DNMBP: variants seen among roughly 807,000 people sequenced by gnomAD.
The protein encoded by DNMBP is dynamin-binding protein.
DNMBP carries 87 observed loss-of-function variants against 150.0 expected under a neutral mutation model. The observed-to-expected ratio is 0.58, with a 90% CI of 0.49 to 0.69. The LOEUF is 0.69. DNMBP is among the 30% of genes least tolerant of loss of function. The pLI, the probability that DNMBP is intolerant of heterozygous loss-of-function variation, is 0.00. For synonymous variants in DNMBP, 711 were observed against 750.4 expected (o/e 0.95, Z 0.86); for missense variants, 1,774 against 1,949.0 (o/e 0.91, Z 1.69).
At chr10:99,939,702 ATAAAGGAT>A (rs1237997847) in intron 4 of DNMBP, among the ~76,000 whole-genome samples, 1 of 152,262 alleles carries the variant, frequency 6.6e-6, no homozygotes, top group Non-Finnish European at 1.5e-5. Context: ...AGATATAGAC[ATAAAGGAT>A]TACTAGCCAT....
chr10:99,913,730 G>T (rs563906454), intron 4 of DNMBP, among the ~76,000 whole-genome samples: 2 of 152,126 alleles, frequency 1.3e-5, no homozygotes, highest in East Asian at 3.9e-4. Flanking sequence ...CCTAAAGTTC[G>T]AAGGAAGGGA....
At chr10:99,898,478 T>C (rs2039692136) in intron 8 of DNMBP, 193 bp from the exon 9 acceptor site, 2 of 689,502 alleles carry the variant, frequency 2.9e-6, no homozygotes, top group Admixed American at 4.6e-5. Flanking sequence ...ATTCAACATG[T>C]ATTCATCTAA....
chr10:99,938,055 T>G (rs1434060126), intron 4 of DNMBP, among the ~76,000 whole-genome samples: 1 of 152,238 alleles, frequency 6.6e-6, no homozygotes, highest in Non-Finnish European at 1.5e-5. Context: ...CTCTGCCACT[T>G]TAAGTCTACA....
At chr10:99,924,748 A>C (rs1194747404) in intron 4 of DNMBP, among the ~76,000 whole-genome samples, 1 of 152,222 alleles carries the variant, frequency 6.6e-6, no homozygotes, top group Non-Finnish European at 1.5e-5. Context: ...GTTGGAACAG[A>C]TATCATGTTC....
intron 4 of DNMBP, among the ~76,000 whole-genome samples, chr10:99,935,916 C>T (rs1211011813): frequency 6.6e-6 from 1 of 152,070 alleles, no homozygotes; most frequent in Non-Finnish European, 1.5e-5. Context: ...TAAAAGATAA[C>T]CCGGTTTTCC....
intron 1 of DNMBP, among the ~76,000 whole-genome samples, chr10:99,991,441 G>C (rs2040889913): frequency 6.6e-6 from 1 of 151,830 alleles, no homozygotes. Flanking sequence ...CTCCTCTCCA[G>C]CCCTAGGCAA....
chr10:99,953,182 C>T (rs1013797741), intron 4 of DNMBP, among the ~76,000 whole-genome samples: 15 of 152,142 alleles, frequency 9.9e-5, no homozygotes, highest in Admixed American at 3.3e-4. Flanking sequence ...GTATAGGAAG[C>T]GGTGAACTAT....
chr10:99,903,292 G>A (rs7896403), intron 6 of DNMBP, among the ~76,000 whole-genome samples: 67,897 of 151,348 alleles, frequency 0.45, 15,451 homozygotes, highest in African/African-American at 0.48. Flanking sequence ...AACAGTGGGG[G>A]TGGGGCTGGC....
At chr10:99,948,266 A>G (rs757752871) in intron 4 of DNMBP, among the ~76,000 whole-genome samples, 6 of 152,254 alleles carry the variant, frequency 3.9e-5, no homozygotes, top group Non-Finnish European at 5.9e-5. Context: ...ATACTAGCAC[A>G]GGAAAACTTG....
intron 1 of DNMBP, among the ~76,000 whole-genome samples, chr10:99,986,594 C>CAAAAAAAAAAAAAAAAAAAAAAAAAA (rs747726572): frequency 4.0e-5 from 3 of 74,168 alleles, no homozygotes; most frequent in South Asian, 5.6e-4. Context: ...GACTCCGTCT[C>CAAAAAAAAAAAAAAAAAAAAAAAAAA]AAAAAAAAAA....
intron 14 of DNMBP, 109 bp from the exon 15 acceptor site, chr10:99,884,318 C>A (rs1373014694): frequency 4.3e-6 from 4 of 925,488 alleles, no homozygotes; most frequent in Non-Finnish European, 6.5e-6. Context: ...CAGTCAGTCA[C>A]TGCCCATCTC....
chr10:99,919,221 G>A (rs865949174), intron 4 of DNMBP, among the ~76,000 whole-genome samples: 3 of 152,304 alleles, frequency 2.0e-5, no homozygotes, highest in South Asian at 2.1e-4. Flanking sequence ...TCCATTAAAC[G>A]TCAAGGCCCG....
intron 4 of DNMBP, among the ~76,000 whole-genome samples, chr10:99,910,936 G>C (rs2039891539): frequency 6.6e-6 from 1 of 152,102 alleles, no homozygotes; most frequent in African/African-American, 2.4e-5. Context: ...AGAAATAATG[G>C]AGTCAGCAAA....
intron 16 of DNMBP, among the ~76,000 whole-genome samples, chr10:99,878,412 G>A (rs921513371): frequency 5.9e-5 from 9 of 152,148 alleles, no homozygotes; most frequent in East Asian, 1.9e-4. Context: ...TTCCCTGCTC[G>A]AACTCAATCT....
Position 99,988,152 on chromosome 10 carries a change from C to T in DNMBP, c.-10-16018G>A, listed in dbSNP as rs566585840. On this transcript the variant is annotated intron_variant, in intron 1 of 16. Coordinates refer to ENST00000324109, the MANE Select transcript of DNMBP (RefSeq NM_015221.4). ...TGCGTCCAATGAGATGACCATTTTC[C>T]CCCTTTATTCTGATGTCATAAGTTT... 3.3e-5 allele frequency among the ~76,000 whole-genome samples: 5 copies of T among 152,054 alleles called. No homozygotes were observed. In the South Asian group the frequency reaches 1.0e-3, roughly 32 times the overall value.
At chr10:99,888,358 C>G (rs1303119324) in intron 12 of DNMBP, among the ~76,000 whole-genome samples, 1 of 151,894 alleles carries the variant, frequency 6.6e-6, no homozygotes, top group Non-Finnish European at 1.5e-5. Context: ...TTACAGGTGC[C>G]CACCACCATG....
intron 1 of DNMBP, among the ~76,000 whole-genome samples, chr10:99,991,372 C>T (rs564170328): frequency 3.9e-5 from 6 of 151,916 alleles, no homozygotes; most frequent in Admixed American, 3.3e-4. Flanking sequence ...CCACCGCGGC[C>T]GGTCTGAGAA....
At chr10:99,979,492 C>A (rs1209936898) in intron 1 of DNMBP, among the ~76,000 whole-genome samples, 2 of 152,138 alleles carry the variant, frequency 1.3e-5, no homozygotes, top group Admixed American at 1.3e-4. Context: ...AATGATGTGT[C>A]CAGGAACCTT....
chr10:99,929,563 A>G (rs1448630967), intron 4 of DNMBP: 1 of 613,720 alleles, frequency 1.6e-6, no homozygotes. Flanking sequence ...TACCCTTTAA[A>G]TCTATCTTTA....
Sources: allele counts gnomAD v4.1 joint callset (sites outside exome capture counted in the v4.1 genomes callset), GRCh38; gene constraint gnomAD v4.1.1; transcripts MANE v1.5; gene names NCBI Gene and HGNC (gene_info 2026-07-23, HGNC 2026-07-21).